Variants in CARD14 observed in about 807,000 individuals in gnomAD.
CARD14 encodes the protein caspase recruitment domain family member 14, also known as caspase recruitment domain-containing protein 14.
CARD14 carries 107 observed loss-of-function variants against 111.5 expected under a neutral mutation model. That is an observed-to-expected ratio of 0.96 (90% confidence interval 0.82 to 1.13). The LOEUF (loss-of-function observed/expected upper bound fraction) is 1.13. CARD14 is among the 50% of genes most tolerant of loss of function. The pLI, the probability that CARD14 is intolerant of heterozygous loss-of-function variation, is 0.00. For synonymous variants in CARD14, 617 were observed against 579.6 expected (o/e 1.06, Z -0.93); for missense variants, 1,322 against 1,362.3 (o/e 0.97, Z 0.47).
Position 80,207,103 on chromosome 17 carries a change from G to C in CARD14, c.2807+18G>C, listed in dbSNP as rs760719493. 6.3e-7 allele frequency: 1 copy of C among 1,585,594 alleles called. No homozygotes were observed. The highest frequency in any genetic ancestry group is 1.1e-5 in the South Asian group (1 of 90,452). ...AAGCTCAAGTAGGTGCACGCTGGGG[G>C]CTGGGCAGGGGCTTCGAAGCGGCTC... On this transcript the variant is annotated intron_variant, in intron 23 of 23. Coordinates refer to ENST00000648509, the MANE Select transcript of CARD14 (RefSeq NM_001366385.1).
In CARD14 at chr17:80,181,409, C is replaced by A. The variant is rs973052042; in HGVS notation, c.-20-10C>A. 7.3e-5 allele frequency: 113 copies of A among 1,545,152 alleles called. No individual in the cohort carries two copies. In the Admixed American group the frequency reaches 2.1e-3, roughly 28 times the overall value. On this transcript the variant is annotated splice_polypyrimidine_tract_variant and intron_variant, in intron 4 of 23. Coordinates refer to ENST00000648509, the MANE Select transcript of CARD14 (RefSeq NM_001366385.1). ...CCTGACAACTCCACCCCCATGGCCA[C>A]CCCTCCTAGGGTCCTCCCAGCGCCC...
Position 80,191,306 on chromosome 17 carries a change from C to G in CARD14, c.1090-17C>G. ...GTGGTGATGGCGCGGCCTCCTTACT[C>G]CCGTCGTGGCCCACAGGCGTACTCC... is the stretch of plus-strand genomic sequence containing the variant. On this transcript the variant is annotated splice_polypyrimidine_tract_variant and intron_variant, in intron 10 of 23. Coordinates refer to ENST00000648509, the MANE Select transcript of CARD14 (RefSeq NM_001366385.1). 1 of 1,601,824 alleles carries G rather than the reference C, an allele frequency of 6.2e-7. No individual in the cohort carries two copies. Among genetic ancestry groups the G allele is most frequent in the Non-Finnish European group, 8.5e-7 (1 of 1,169,986 alleles).
Position 80,203,613 on chromosome 17 carries a change from G to C in CARD14, c.2220-209G>C. On this transcript the variant is annotated intron_variant, in intron 18 of 23. Coordinates refer to ENST00000648509, the MANE Select transcript of CARD14 (RefSeq NM_001366385.1). The surrounding 1 kb of genome is among the most constrained non-coding windows in gnomAD (Gnocchi z 4.6). ...AAATCAGCATCTCCAGGGGTGGGCC[G>C]AGGCCCTGGAGTCTTTTGAAAGCTC... 1 of 501,554 alleles carries C rather than the reference G, an allele frequency of 2.0e-6. No homozygotes were observed. The highest frequency in any genetic ancestry group is 3.5e-6 in the Non-Finnish European group (1 of 283,664). 31.1% of individuals were successfully genotyped at this position (501,554 alleles called of 1,614,324 possible). A position where few individuals can be genotyped will look rare whatever the true frequency, so the allele number is the denominator to read the frequency against.
chr17:80,194,220 G>C (rs939574040), intron 12 of CARD14, among the ~76,000 whole-genome samples: 3 of 151,938 alleles, frequency 2.0e-5, no homozygotes, highest in Non-Finnish European at 4.4e-5. Context: ...TGGCCTCCCT[G>C]CCCTGCCCAT....
chr17:80,196,302 C>T (rs1598669092), intron 14 of CARD14: 1 of 152,364 alleles, frequency 6.6e-6, no homozygotes, highest in African/African-American at 2.4e-5. Context: ...GCCCCTGTGC[C>T]TTCTGTGGGT....
At chr17:80,181,726 A>G (rs2040183551) in intron 5 of CARD14, 77 bp downstream of exon 5, 5 of 1,330,462 alleles carry the variant, frequency 3.8e-6, no homozygotes, top group Admixed American at 4.5e-5. Flanking sequence ...CTCTGTCTTC[A>G]GGGGGTCTCT....
chr17:80,198,005 A>T lies in CARD14; in HGVS notation c.1595-94A>T. On this transcript the variant is annotated intron_variant, in intron 14 of 23. Transcript: ENST00000648509. This position sits in a 1 kb window ranked among gnomAD's most constrained non-coding sequence, Gnocchi z 7.5. ...CCCCATCAGCAGTGGGGTGACCAAG[A>T]TCTGTGAAGAAGGGGCTGAGGTTAC... 7.8e-7 allele frequency: 1 copy of T among 1,280,244 alleles called. No individual in the cohort carries two copies. Among genetic ancestry groups the T allele is most frequent in the Admixed American group, 1.7e-5 (1 of 58,946 alleles). The allele number at this position is 1,280,244 out of a possible 1,614,324, so 79.3% of individuals were successfully genotyped here.
chr17:80,172,699 C>A (rs1440332232), intron 1 of CARD14, among the ~76,000 whole-genome samples: 8 of 152,068 alleles, frequency 5.3e-5, no homozygotes, highest in Admixed American at 4.6e-4. Context: ...TACTCCAGGA[C>A]AAGAGTCATA....
chr17:80,201,924 C>G lies in CARD14; in HGVS notation c.1978+54C>G, dbSNP rs552487706. ...AGCTGCCTGGCCAGACTCCATGACC[C>G]TTAAGTCCCTGGTGGTTCTTCTGCA... On this transcript the variant is annotated intron_variant, in intron 17 of 23. Coordinates refer to ENST00000648509, the MANE Select transcript of CARD14 (RefSeq NM_001366385.1). This position sits in a 1 kb window ranked among gnomAD's most constrained non-coding sequence, Gnocchi z 5.0. The G allele has an allele frequency of 6.4e-7, 1 of 1,551,496 alleles. No homozygotes were observed. Among genetic ancestry groups the G allele is most frequent in the Non-Finnish European group, 8.7e-7 (1 of 1,147,382 alleles).
Position 80,205,601 on chromosome 17 carries a change from C to T in CARD14, c.2640C>T (p.Ser880=), listed in dbSNP as rs367654497. 3.1e-5 allele frequency: 42 copies of T among 1,376,800 alleles called. No individual in the cohort carries two copies. Among genetic ancestry groups the T allele is most frequent in the Admixed American group, 8.5e-5 (4 of 46,938 alleles). The allele number at this position is 1,376,800 out of a possible 1,614,324, so 85.3% of individuals were successfully genotyped here. A position where few individuals can be genotyped will look rare whatever the true frequency, so the allele number is the denominator to read the frequency against. ...RGDIIQEGEV[S]GGRCWVTRHA... is the part of the protein sequence containing the mutation. ...ACATCATCCAGGAGGGAGAGGTGTC[C>T]GGGGGCCGCTGCTGGGTGACCCGCC... The change falls in exon 22 of 24, where the codon TCC becomes TCT. Residue 880 remains serine, a synonymous_variant. Transcript: ENST00000648509.
At chr17:80,202,462 C>A (rs756039920) in intron 18 of CARD14, 42 bp downstream of exon 18, 2 of 1,592,878 alleles carry the variant, frequency 1.3e-6, no homozygotes, top group South Asian at 1.1e-5. Context: ...CAGAGAGGCC[C>A]ACAGGGAAAT....
At chr17:80,205,446 C>T in intron 21 of CARD14, 85 bp from the exon 22 acceptor site, 1 of 1,522,724 alleles carries the variant, frequency 6.6e-7, no homozygotes, top group Non-Finnish European at 8.9e-7. Flanking sequence ...TGGCAGGGTT[C>T]ACGGGGACAG....
intron 16 of CARD14, among the ~76,000 whole-genome samples, chr17:80,199,508 G>T (rs1207687658): frequency 1.5e-5 from 2 of 136,004 alleles, no homozygotes; most frequent in Non-Finnish European, 3.0e-5. Flanking sequence ...GCTGCAATGA[G>T]CTAAGATTGC....
intron 7 of CARD14, among the ~76,000 whole-genome samples, chr17:80,186,416 G>A (rs1162476640): frequency 6.6e-6 from 1 of 152,162 alleles, no homozygotes; most frequent in Non-Finnish European, 1.5e-5. Context: ...GTCCTAAAAC[G>A]GGTCCCTTGT....
In CARD14 at chr17:80,183,667, A is replaced by G. The variant is rs117847768; in HGVS notation, c.350-246A>G. On this transcript the variant is annotated intron_variant, in intron 6 of 23. Coordinates refer to ENST00000648509, the MANE Select transcript of CARD14 (RefSeq NM_001366385.1). ...TGGGGGCCTGCTGGGGAGTCTGGGCAAGGCTGTGGGGGCATGGGAGTCATG... is the reference window on the plus strand; with the variant it reads ...TGGGGGCCTGCTGGGGAGTCTGGGCGAGGCTGTGGGGGCATGGGAGTCATG... Among the ~76,000 whole-genome samples, 885 of 152,280 alleles carry G rather than the reference A, an allele frequency of 5.8e-3. 5 individuals are homozygous for G. Among genetic ancestry groups the G allele is most frequent in the Middle Eastern group, 0.048 (14 of 294 alleles).
intron 4 of CARD14, among the ~76,000 whole-genome samples, chr17:80,180,042 T>C (rs1425871916): frequency 6.6e-6 from 1 of 152,204 alleles, no homozygotes; most frequent in African/African-American, 2.4e-5. Context: ...TGCACAGTTT[T>C]AAAACATTTT....
At chr17:80,197,438 CAGA>C (rs1169585076) in intron 14 of CARD14, 1 of 151,948 alleles carries the variant, frequency 6.6e-6, no homozygotes, top group African/African-American at 2.4e-5. Flanking sequence ...GAGGCTGAGG[CAGA>C]AGAATTGCTT....
Position 80,202,260 on chromosome 17 carries a change from A to G in CARD14, c.2059A>G (p.Met687Val). Residue 687 changes from methionine (M) to valine (V), a missense_variant, in exon 18 of 24, where the codon ATG (methionine) becomes GTG (valine). Physicochemically the swap from Met to Val is conservative, Grantham distance 21. Transcript: ENST00000648509. Reference protein sequence around the residue: ...DSFYIRVNLAMEGRAKGELQV... With the variant: ...DSFYIRVNLAVEGRAKGELQV... ...ATTCTACATCCGGGTCAACCTGGCC[A>G]TGGAGGGCAGGGCCAAAGGGGAGCT... 1 of 1,613,972 alleles carries G rather than the reference A, an allele frequency of 6.2e-7. No homozygotes were observed. The highest frequency in any genetic ancestry group is 8.5e-7 in the Non-Finnish European group (1 of 1,180,024).
At chr17:80,205,315 G>T (rs1223905851) in intron 21 of CARD14, 110 bp downstream of exon 21, 2 of 978,600 alleles carry the variant, frequency 2.0e-6, no homozygotes, top group African/African-American at 4.3e-5. Context: ...CCCCCACCAC[G>T]CACATTCCCA....
Sources: gnomAD v4.1 joint callset for allele counts (sites outside exome capture counted in the v4.1 genomes callset) on GRCh38, gnomAD v4.1.1 for gene constraint, Gnocchi (gnomAD v3.1) non-coding constraint, MANE v1.5 for transcripts, NCBI Gene and HGNC (gene_info 2026-07-23, HGNC 2026-07-21) for gene names.